Variants in DOCK1 observed in about 807,000 individuals in gnomAD.
The protein encoded by DOCK1 is dedicator of cytokinesis 1.
In DOCK1, 138 loss-of-function variants were observed where a neutral mutation model predicts 262.7. The ratio of observed to expected loss-of-function variants is 0.53; its 90% CI spans 0.46 to 0.61. The LOEUF is 0.61. Among genes scored for constraint, DOCK1 ranks in the 20% least tolerant of loss-of-function variants. The pLI is 0.00. For missense variants in DOCK1, 1,908 were observed against 2,370.7 expected (o/e 0.80, Z 4.05); for synonymous variants, 866 against 867.4 (o/e 1.00, Z 0.03).
intron 32 of DOCK1, among the ~76,000 whole-genome samples, chr10:127,360,363 A>G (rs2064353658): frequency 7.0e-6 from 1 of 143,216 alleles, no homozygotes; most frequent in African/African-American, 2.7e-5. Context: ...CACAACTAGC[A>G]GGAGGGGGAG....
intron 32 of DOCK1, among the ~76,000 whole-genome samples, chr10:127,357,342 A>G (rs563441183): frequency 3.1e-4 from 47 of 152,312 alleles, no homozygotes; most frequent in African/African-American, 1.1e-3. Flanking sequence ...AATTTGTGCT[A>G]CGTGCCATGA....
intron 27 of DOCK1, among the ~76,000 whole-genome samples, chr10:127,186,393 G>A (rs1186691841): frequency 6.6e-6 from 1 of 152,018 alleles, no homozygotes; most frequent in Non-Finnish European, 1.5e-5. Flanking sequence ...TAGACATGGT[G>A]GTGCGTGCCT....
intron 13 of DOCK1, 177 bp downstream of exon 13, chr10:127,019,012 A>G (rs1262351670): frequency 5.1e-6 from 5 of 976,460 alleles, no homozygotes; most frequent in Non-Finnish European, 1.5e-6. Context: ...GGAGTGGTAG[A>G]ATATGCTCCC....
chr10:127,015,499 C>T (rs371430001), intron 12 of DOCK1, among the ~76,000 whole-genome samples: 2 of 152,212 alleles, frequency 1.3e-5, no homozygotes, highest in East Asian at 3.9e-4. Context: ...CGGGGCTCTT[C>T]TTTCCTTCCC....
chr10:127,042,773 G>T (rs931220531), intron 20 of DOCK1, 59 bp downstream of exon 20: 1 of 1,561,902 alleles, frequency 6.4e-7, no homozygotes, highest in African/African-American at 1.4e-5. Flanking sequence ...ATGCTGCAGC[G>T]TCTGAGGCTG....
chr10:127,243,292 C>T (rs1162815016), intron 27 of DOCK1, among the ~76,000 whole-genome samples: 2 of 152,180 alleles, frequency 1.3e-5, no homozygotes, highest in East Asian at 1.9e-4. Flanking sequence ...TATGTCTCAT[C>T]CTGAGTTTCC....
At chr10:127,194,986 G>A (rs562871923) in intron 27 of DOCK1, among the ~76,000 whole-genome samples, 3 of 111,440 alleles carry the variant, frequency 2.7e-5, no homozygotes, top group East Asian at 5.3e-4. Flanking sequence ...GGGTCCGGGC[G>A]GGAGCCCTGG....
chr10:127,398,166 A>G (rs1210432282), intron 38 of DOCK1, among the ~76,000 whole-genome samples: 9 of 152,170 alleles, frequency 5.9e-5, no homozygotes, highest in Non-Finnish European at 2.9e-5. Context: ...ATCAGGCCTG[A>G]GTCTGTGTCA....
At chr10:126,993,473 G>C (rs1464256481) in intron 6 of DOCK1, among the ~76,000 whole-genome samples, 1 of 152,232 alleles carries the variant, frequency 6.6e-6, no homozygotes, top group South Asian at 2.1e-4. Context: ...GACCCTGCCT[G>C]TACCAGCACG....
chr10:127,229,639 C>T (rs1057002162), intron 27 of DOCK1, among the ~76,000 whole-genome samples: 9 of 152,240 alleles, frequency 5.9e-5, no homozygotes, highest in Non-Finnish European at 1.2e-4. Context: ...CATTGATGCA[C>T]GCTTAGGCTG....
intron 4 of DOCK1, among the ~76,000 whole-genome samples, chr10:126,984,333 A>T (rs1019795686): frequency 2.0e-5 from 3 of 152,092 alleles, no homozygotes; most frequent in South Asian, 2.1e-4. Flanking sequence ...AATTATTATT[A>T]TTTTTATTTT....
intron 4 of DOCK1, among the ~76,000 whole-genome samples, chr10:126,984,053 G>A (rs2039173481): frequency 6.6e-6 from 1 of 152,146 alleles, no homozygotes; most frequent in East Asian, 1.9e-4. Context: ...GCTCAGGCAT[G>A]TCACCGTCTC....
intron 33 of DOCK1, among the ~76,000 whole-genome samples, chr10:127,366,827 C>T (rs1418958671): frequency 6.6e-6 from 1 of 152,186 alleles, no homozygotes; most frequent in African/African-American, 2.4e-5. Context: ...TTATTAGTCA[C>T]GTCAGCAGGG....
intron 23 of DOCK1, among the ~76,000 whole-genome samples, chr10:127,101,739 T>G (rs2048263249): frequency 6.6e-6 from 1 of 152,196 alleles, no homozygotes; most frequent in African/African-American, 2.4e-5. Flanking sequence ...CTGTCTTGTT[T>G]GTGGCCGATT....
At chr10:127,402,471 C>T (rs1275870931) in intron 38 of DOCK1, among the ~76,000 whole-genome samples, 1 of 152,210 alleles carries the variant, frequency 6.6e-6, no homozygotes, top group Non-Finnish European at 1.5e-5. Context: ...ACTTACCTTA[C>T]AAAGTTCCCC....
intron 3 of DOCK1, among the ~76,000 whole-genome samples, chr10:126,979,930 C>A (rs778177783): frequency 6.6e-6 from 1 of 152,114 alleles, no homozygotes; most frequent in Non-Finnish European, 1.5e-5. Flanking sequence ...GCAGGTGTGT[C>A]CAGCCTCACT....
chr10:127,207,116 A>G (rs894467207), intron 27 of DOCK1, among the ~76,000 whole-genome samples: 4 of 152,210 alleles, frequency 2.6e-5, no homozygotes, highest in African/African-American at 9.6e-5. Flanking sequence ...GGGGAAAAAG[A>G]AAAATACAGC....
intron 10 of DOCK1, among the ~76,000 whole-genome samples, chr10:127,002,852 T>G (rs1293049861): frequency 6.6e-6 from 1 of 152,190 alleles, no homozygotes; most frequent in South Asian, 2.1e-4. Context: ...CCTTCCTGTC[T>G]TGTGTCTCTG....
chr10:126,949,137 G>T (rs1405078629), intron 1 of DOCK1, among the ~76,000 whole-genome samples: 2 of 152,082 alleles, frequency 1.3e-5, no homozygotes, highest in Non-Finnish European at 2.9e-5. Flanking sequence ...GGCACTCTGG[G>T]TTCCCCTCTG....
Sources: gnomAD v4.1 joint callset for allele counts (sites outside exome capture counted in the v4.1 genomes callset) on GRCh38, gnomAD v4.1.1 for gene constraint, MANE v1.5 for transcripts, NCBI Gene and HGNC (gene_info 2026-07-23, HGNC 2026-07-21) for gene names.